Variants in RBFOX1 observed in about 807,000 individuals in gnomAD.
The protein encoded by RBFOX1 is RNA binding protein fox-1 homolog 1.
Under a neutral mutation model 57.7 loss-of-function variants are expected in RBFOX1, and 8 were observed. The observed-to-expected ratio is 0.14, with a 90% CI of 0.08 to 0.25. RBFOX1 has a LOEUF of 0.25. Ranked by LOEUF, RBFOX1 falls within the 10% of genes least tolerant of loss-of-function variation. RBFOX1 has a pLI of 1.00. For synonymous variants in RBFOX1, 326 were observed against 222.4 expected (o/e 1.47, Z -4.15); for missense variants, 611 against 548.5 (o/e 1.11, Z -1.14).
chr16:6,156,340 C>A lies in RBFOX1; in HGVS notation c.-127+136348C>A, dbSNP rs138993980. The stretch of plus-strand genomic sequence containing the variant: ...TGGGAAGCCATTTGTTTCACAGGGG[C>A]CTTTTCTAGCCCCACCCAGTGAATC... On this transcript the variant is annotated intron_variant, in intron 1 of 15. Transcript: ENST00000550418. 1.4e-3 allele frequency among the ~76,000 whole-genome samples: 207 copies of A among 152,280 alleles called. 2 individuals are homozygous for A. Among genetic ancestry groups the A allele is most frequent in the African/African-American group, 4.7e-3 (196 of 41,554 alleles).
chr16:6,852,362 C>G (rs75772766), intron 3 of RBFOX1, among the ~76,000 whole-genome samples: 1 of 152,124 alleles, frequency 6.6e-6, no homozygotes, highest in Non-Finnish European at 1.5e-5. Flanking sequence ...GTTGATCACC[C>G]ATTTTGTGAG....
intron 4 of RBFOX1, among the ~76,000 whole-genome samples, chr16:7,444,850 C>T (rs2098796217): frequency 6.6e-6 from 1 of 152,078 alleles, no homozygotes; most frequent in Non-Finnish European, 1.5e-5. Context: ...ACTCTTAATC[C>T]TGGCCTGTAT....
chr16:6,507,210 C>G (rs2096123429), intron 2 of RBFOX1, among the ~76,000 whole-genome samples: 1 of 152,164 alleles, frequency 6.6e-6, no homozygotes, highest in Admixed American at 6.5e-5. Context: ...TTACCTTCCT[C>G]CAATCCATTA....
At chr16:6,626,534 C>A (rs1420074) in intron 2 of RBFOX1, among the ~76,000 whole-genome samples, 1 of 152,056 alleles carries the variant, frequency 6.6e-6, no homozygotes, top group Non-Finnish European at 1.5e-5. Flanking sequence ...CCGAGGCAGG[C>A]GGATCACCTG....
At chr16:5,359,341 T>G (rs968323399) in intron 1 of RBFOX1, among the ~76,000 whole-genome samples, 2 of 152,236 alleles carry the variant, frequency 1.3e-5, no homozygotes, top group Non-Finnish European at 2.9e-5. Flanking sequence ...AGCAATGGGA[T>G]TGCTGGATCA....
chr16:6,931,178 G>A (rs765602209), intron 3 of RBFOX1, among the ~76,000 whole-genome samples: 5 of 151,656 alleles, frequency 3.3e-5, no homozygotes, highest in East Asian at 3.9e-4. Context: ...CTAGTAATGC[G>A]CTGTGTAGAT....
At chr16:7,143,144 A>C (rs2074204341) in intron 4 of RBFOX1, among the ~76,000 whole-genome samples, 1 of 152,134 alleles carries the variant, frequency 6.6e-6, no homozygotes, top group African/African-American at 2.4e-5. Context: ...GAAAGCAAAA[A>C]GCCGTACGTG....
chr16:6,483,277 C>G, intron 2 of RBFOX1: 3 of 1,337,994 alleles, frequency 2.2e-6, no homozygotes, highest in Non-Finnish European at 2.9e-6. Flanking sequence ...TGTTGATTGC[C>G]TCCTTGCACG....
chr16:6,070,817 G>C (rs1555496488), intron 1 of RBFOX1, among the ~76,000 whole-genome samples: 1 of 149,664 alleles, frequency 6.7e-6, no homozygotes, highest in Non-Finnish European at 1.5e-5. Flanking sequence ...ACACACGCTC[G>C]CCCCCCCCAC....
intron 3 of RBFOX1, among the ~76,000 whole-genome samples, chr16:6,902,136 C>G (rs2068647472): frequency 6.6e-6 from 1 of 152,124 alleles, no homozygotes; most frequent in Non-Finnish European, 1.5e-5. Context: ...AGTGCTGGAA[C>G]TTGGTAGGTG....
intron 3 of RBFOX1, among the ~76,000 whole-genome samples, chr16:6,992,662 A>G (rs1304324557): frequency 1.3e-5 from 2 of 152,148 alleles, no homozygotes; most frequent in East Asian, 1.9e-4. Context: ...CACAACTTCA[A>G]CCATATTCTG....
intron 3 of RBFOX1, among the ~76,000 whole-genome samples, chr16:5,819,038 C>A (rs2055749911): frequency 6.6e-6 from 1 of 152,174 alleles, no homozygotes; most frequent in Admixed American, 6.5e-5. Context: ...TCTCTGCTTT[C>A]TCTCCATCCA....
chr16:6,834,306 C>T (rs772058847), intron 3 of RBFOX1, among the ~76,000 whole-genome samples: 10 of 152,024 alleles, frequency 6.6e-5, no homozygotes, highest in Admixed American at 1.3e-4. Flanking sequence ...AAACTCCCAA[C>T]CTTAAGTGAT....
intron 5 of RBFOX1, among the ~76,000 whole-genome samples, chr16:7,564,227 T>G (rs9929989): frequency 0.87 from 131,844 of 151,838 alleles, 58,497 homozygotes; most frequent in Non-Finnish European, 0.97. Context: ...CCCTCCCTCT[T>G]CCATCTGAGA....
At chr16:6,254,285 C>G (rs556405457) in intron 1 of RBFOX1, among the ~76,000 whole-genome samples, 5 of 152,104 alleles carry the variant, frequency 3.3e-5, no homozygotes, top group Non-Finnish European at 7.4e-5. Context: ...ACGTTTATCT[C>G]TCTAAATAAG....
intron 2 of RBFOX1, among the ~76,000 whole-genome samples, chr16:6,512,202 T>G (rs1207987374): frequency 1.4e-5 from 2 of 145,756 alleles, no homozygotes; most frequent in Non-Finnish European, 3.0e-5. Context: ...TAGGATTGCT[T>G]GAGCCCAGGA....
chr16:7,153,746 G>T (rs779705840), intron 4 of RBFOX1, among the ~76,000 whole-genome samples: 60 of 139,228 alleles, frequency 4.3e-4, no homozygotes, highest in Non-Finnish European at 5.8e-4. Context: ...AAAAAATAAG[G>T]AAAGAAAGAA....
At chr16:6,317,555 A>T (rs1248652245) in intron 2 of RBFOX1, among the ~76,000 whole-genome samples, 2 of 152,078 alleles carry the variant, frequency 1.3e-5, no homozygotes, top group African/African-American at 4.8e-5. Context: ...AAAAAAAAAG[A>T]AATTTTTTAC....
intron 4 of RBFOX1, among the ~76,000 whole-genome samples, chr16:7,111,700 G>C (rs1301667244): frequency 1.3e-5 from 2 of 152,040 alleles, no homozygotes; most frequent in Admixed American, 6.6e-5. Flanking sequence ...TGGGGAAGAT[G>C]AGGTTAGTCT....
Sources: allele counts gnomAD v4.1 joint callset (sites outside exome capture counted in the v4.1 genomes callset), GRCh38; gene constraint gnomAD v4.1.1; transcripts MANE v1.5; gene names NCBI Gene and HGNC (gene_info 2026-07-23, HGNC 2026-07-21).